FARS2: variants seen among roughly 807,000 people sequenced by gnomAD.
The protein encoded by FARS2 is phenylalanine--tRNA ligase, mitochondrial.
FARS2 carries 40 observed loss-of-function variants against 46.4 expected under a neutral mutation model. The observed-to-expected ratio is 0.86, with a 90% CI of 0.67 to 1.12. The LOEUF (loss-of-function observed/expected upper bound fraction) is 1.12. FARS2 is among the 50% of genes most tolerant of loss of function. The pLI is 0.00. For synonymous variants in FARS2, 234 were observed against 214.9 expected, an observed-to-expected ratio of 1.09 and a Z score of -0.78; for missense variants, 513 against 567.9, an observed-to-expected ratio of 0.90 and a Z score of 0.98.
At chr6:5,508,262 T>G (rs1048055115) in intron 4 of FARS2, among the ~76,000 whole-genome samples, 3 of 152,250 alleles carry the variant, frequency 2.0e-5, no homozygotes, top group African/African-American at 7.2e-5. Flanking sequence ...GATCCCCATG[T>G]TGAGACCTAG....
chr6:5,756,769 A>G (rs768823382), intron 6 of FARS2, among the ~76,000 whole-genome samples: 3 of 152,200 alleles, frequency 2.0e-5, no homozygotes, highest in Non-Finnish European at 4.4e-5. Context: ...ATCACTCTAG[A>G]ACTTTCTAAG....
intron 4 of FARS2, among the ~76,000 whole-genome samples, chr6:5,540,871 G>A (rs9504431): frequency 0.67 from 102,293 of 152,056 alleles, 34,612 homozygotes; most frequent in East Asian, 0.79. Context: ...TTAGGAGAGG[G>A]GCAAGTGTTA....
chr6:5,409,910 C>T (rs1186712969), intron 3 of FARS2, among the ~76,000 whole-genome samples: 1 of 152,068 alleles, frequency 6.6e-6, no homozygotes. Context: ...TGTCCCCGAC[C>T]GTGTTTGCCG....
At chr6:5,431,206 C>G in intron 4 of FARS2, 34 bp downstream of exon 4, 1 of 1,609,788 alleles carries the variant, frequency 6.2e-7, no homozygotes, top group Non-Finnish European at 8.5e-7. Flanking sequence ...TTTACACGTG[C>G]TCTAAAGGAA....
upstream of FARS2, chr6:5,261,025 G>T (rs1052098090): frequency 2.5e-5 from 25 of 992,996 alleles, no homozygotes; most frequent in Non-Finnish European, 2.7e-5. Context: ...CCGGAGGCTC[G>T]GGACCCAGCA....
At chr6:5,644,408 G>C (rs1312663253) in intron 6 of FARS2, among the ~76,000 whole-genome samples, 2 of 152,086 alleles carry the variant, frequency 1.3e-5, no homozygotes, top group Non-Finnish European at 1.5e-5. Context: ...TAGTAATGGA[G>C]TTTCACCATG....
chr6:5,434,806 A>C (rs1294934420), intron 4 of FARS2, among the ~76,000 whole-genome samples: 1 of 151,592 alleles, frequency 6.6e-6, no homozygotes, highest in Non-Finnish European at 1.5e-5. Flanking sequence ...ACTTTTCTTC[A>C]TTCCCTTCTC....
intron 6 of FARS2, chr6:5,694,917 G>A (rs1325836048): frequency 1.3e-5 from 2 of 152,086 alleles, no homozygotes; most frequent in Non-Finnish European, 2.9e-5. Context: ...TAAGGTGTGA[G>A]GATCGTTTGA....
At chr6:5,402,242 A>C (rs1761301184) in intron 2 of FARS2, among the ~76,000 whole-genome samples, 1 of 127,510 alleles carries the variant, frequency 7.8e-6, no homozygotes, top group Admixed American at 8.2e-5. Context: ...TTCTGAGTTA[A>C]ATCAATTCTC....
At chr6:5,767,918 T>C in intron 6 of FARS2, among the ~76,000 whole-genome samples, 1 of 152,216 alleles carries the variant, frequency 6.6e-6, no homozygotes, top group East Asian at 1.9e-4. Flanking sequence ...AGTTGGTTGC[T>C]GAGGGCATCT....
rs1210652622 is a variant in FARS2, at chr6:5,338,264, A to G, written c.-21-30286A>G. On this transcript the variant is annotated intron_variant, in intron 1 of 6. Coordinates refer to ENST00000274680, the MANE Select transcript of FARS2 (RefSeq NM_006567.5). ...AAAAAATTATTCATGTGAATTTCCT[A>G]CTAACTAACTTGCTCTCACGATGTG... 2.6e-5 allele frequency among the ~76,000 whole-genome samples: 4 copies of G among 152,164 alleles called. No homozygotes were observed. In the East Asian group the frequency reaches 5.8e-4, roughly 22 times the overall value.
intron 3 of FARS2, among the ~76,000 whole-genome samples, chr6:5,404,920 C>T (rs1761477716): frequency 1.3e-5 from 2 of 151,896 alleles, no homozygotes; most frequent in South Asian, 4.2e-4. Context: ...CTGCCTCAGC[C>T]TCTGAGTAGC....
At chr6:5,675,585 T>C (rs978016660) in intron 6 of FARS2, among the ~76,000 whole-genome samples, 1 of 152,212 alleles carries the variant, frequency 6.6e-6, no homozygotes, top group African/African-American at 2.4e-5. Context: ...AGAACAAGTA[T>C]AGTAAGAACA....
intron 1 of FARS2, among the ~76,000 whole-genome samples, chr6:5,335,714 A>G (rs939525996): frequency 2.6e-5 from 4 of 152,194 alleles, no homozygotes; most frequent in East Asian, 1.9e-4. Context: ...GTTTTTCACT[A>G]TTACTGGAGA....
intron 1 of FARS2, among the ~76,000 whole-genome samples, chr6:5,330,406 C>G (rs1459232109): frequency 6.6e-6 from 1 of 152,068 alleles, no homozygotes; most frequent in Non-Finnish European, 1.5e-5. Flanking sequence ...TCATTTGGCT[C>G]AGTGTTATGT....
intron 5 of FARS2, among the ~76,000 whole-genome samples, chr6:5,607,924 T>G (rs998540418): frequency 6.6e-6 from 1 of 151,372 alleles, no homozygotes; most frequent in African/African-American, 2.4e-5. Context: ...TGAGAGGTCA[T>G]ATACCTTTCA....
chr6:5,268,696 T>TG (rs1765724486), intron 1 of FARS2, among the ~76,000 whole-genome samples: 2 of 152,216 alleles, frequency 1.3e-5, no homozygotes, highest in South Asian at 4.1e-4. Context: ...GGCTCTTTTT[T>TG]GGGTCATATG....
chr6:5,620,494 AG>A (rs564391035), intron 6 of FARS2, among the ~76,000 whole-genome samples: 435 of 152,294 alleles, frequency 2.9e-3, no homozygotes, highest in Middle Eastern at 0.01. Flanking sequence ...CAAATTAACC[AG>A]GCTTTGGAAA....
chr6:5,689,970 T>C (rs1582770643), intron 6 of FARS2, among the ~76,000 whole-genome samples: 1 of 152,218 alleles, frequency 6.6e-6, no homozygotes, highest in East Asian at 1.9e-4. Flanking sequence ...TCTTTGTCTC[T>C]TTTGATCTTG....
Sources: gnomAD v4.1 joint callset for allele counts (sites outside exome capture counted in the v4.1 genomes callset) on GRCh38, gnomAD v4.1.1 for gene constraint, MANE v1.5 for transcripts, NCBI Gene and HGNC (gene_info 2026-07-23, HGNC 2026-07-21) for gene names.